FOXP2: variants seen among roughly 807,000 people sequenced by gnomAD.
The protein encoded by FOXP2 is forkhead box P2.
A neutral mutation model predicts 115.8 loss-of-function variants in FOXP2; 12 were observed. That is an observed-to-expected ratio of 0.10 (90% CI 0.07 to 0.17). FOXP2 has a LOEUF of 0.17. Among genes scored for constraint, FOXP2 ranks in the 10% least tolerant of loss-of-function variants. FOXP2 has a pLI of 1.00. For missense variants in FOXP2, 629 were observed against 843.5 expected (o/e 0.75, Z 3.15); for synonymous variants, 328 against 297.7 (o/e 1.10, Z -1.05).
chr7:114,113,000 G>A (rs971718803), intron 1 of FOXP2, among the ~76,000 whole-genome samples: 12 of 152,100 alleles, frequency 7.9e-5, no homozygotes, highest in Admixed American at 1.3e-4. Flanking sequence ...AGTGTATTGC[G>A]CAATTTTAGG....
At chr7:114,217,231 G>T (rs952331789) in intron 1 of FOXP2, among the ~76,000 whole-genome samples, 3 of 152,110 alleles carry the variant, frequency 2.0e-5, no homozygotes, top group Admixed American at 2.0e-4. Context: ...CTCTGTAGGG[G>T]GCCTTGAAGA....
intron 2 of FOXP2, among the ~76,000 whole-genome samples, chr7:114,311,026 A>C (rs1366113791): frequency 6.6e-6 from 1 of 151,894 alleles, no homozygotes; most frequent in Admixed American, 6.6e-5. Flanking sequence ...GCTTGAGTCC[A>C]CTCGACCAAT....
At chr7:114,172,460 T>C (rs1028604664) in intron 1 of FOXP2, among the ~76,000 whole-genome samples, 1 of 152,152 alleles carries the variant, frequency 6.6e-6, no homozygotes, top group Non-Finnish European at 1.5e-5. Context: ...TCAAAATCCA[T>C]AGGCCTGTAC....
At chr7:114,260,288 T>G (rs575948952) in intron 1 of FOXP2, among the ~76,000 whole-genome samples, 2 of 151,966 alleles carry the variant, frequency 1.3e-5, no homozygotes, top group African/African-American at 2.4e-5. Flanking sequence ...ATTTCTACAT[T>G]CCCTTGAATC....
chr7:114,581,461 C>CT (rs1367882324), intron 3 of FOXP2, among the ~76,000 whole-genome samples: 1 of 152,022 alleles, frequency 6.6e-6, no homozygotes, highest in East Asian at 1.9e-4. Flanking sequence ...ATAATTAACA[C>CT]TTTTTTGTGT....
intron 2 of FOXP2, among the ~76,000 whole-genome samples, chr7:114,494,048 G>T (rs1377870077): frequency 1.3e-5 from 2 of 152,032 alleles, no homozygotes; most frequent in African/African-American, 4.8e-5. Flanking sequence ...CTGAATACCA[G>T]AGGATTATTT....
In FOXP2 at chr7:114,455,501, A is replaced by T. The variant is rs147630340; in HGVS notation, c.168+28822A>T. 1.5e-3 allele frequency among the ~76,000 whole-genome samples: 234 copies of T among 152,330 alleles called. 2 individuals carry two copies. Among genetic ancestry groups the T allele is most frequent in the African/African-American group, 5.2e-3 (216 of 41,574 alleles). ...CCAGTAAAAAATAGAGTTTTCCAGC[A>T]GAAGAAAGTAAATCATCTCATGGAA... On this transcript the variant is annotated intron_variant, in intron 2 of 16. Transcript: ENST00000350908.
intron 6 of FOXP2, among the ~76,000 whole-genome samples, chr7:114,636,647 A>T (rs1365402108): frequency 6.6e-6 from 1 of 151,386 alleles, no homozygotes; most frequent in Non-Finnish European, 1.5e-5. Context: ...TTTGAGTGTA[A>T]AAAAGCTGCC....
intron 2 of FOXP2, among the ~76,000 whole-genome samples, chr7:114,379,321 C>T (rs761763357): frequency 3.9e-5 from 6 of 152,108 alleles, no homozygotes; most frequent in South Asian, 2.1e-4. Flanking sequence ...AGCTAAGTTG[C>T]GAGCACCATG....
chr7:114,579,465 A>G (rs1258047781), intron 3 of FOXP2, among the ~76,000 whole-genome samples: 1 of 152,102 alleles, frequency 6.6e-6, no homozygotes, highest in Admixed American at 6.6e-5. Context: ...ATTAGCACAT[A>G]CAGTTTTGTT....
At chr7:114,170,806 A>G (rs1213660795) in intron 1 of FOXP2, among the ~76,000 whole-genome samples, 1 of 152,262 alleles carries the variant, frequency 6.6e-6, no homozygotes, top group African/African-American at 2.4e-5. Context: ...GTTAAAGGAA[A>G]TAAGCCAACT....
At chr7:114,357,361 GTATTGA>G (rs1157565150) in intron 2 of FOXP2, among the ~76,000 whole-genome samples, 8 of 152,270 alleles carry the variant, frequency 5.3e-5, no homozygotes, top group Admixed American at 2.6e-4. Flanking sequence ...TAATGGAGAC[GTATTGA>G]TTCAGCCATA....
intron 2 of FOXP2, among the ~76,000 whole-genome samples, chr7:114,464,572 C>T (rs992832346): frequency 6.6e-6 from 1 of 152,048 alleles, no homozygotes. Context: ...ACATCCAAGC[C>T]CAAAGAGTAC....
chr7:114,284,620 A>G (rs1796421179), intron 1 of FOXP2, among the ~76,000 whole-genome samples: 1 of 152,150 alleles, frequency 6.6e-6, no homozygotes, highest in Non-Finnish European at 1.5e-5. Flanking sequence ...GGAAGTGTAA[A>G]TTAGTTCAAC....
chr7:114,279,064 G>A (rs1796264105), intron 1 of FOXP2, among the ~76,000 whole-genome samples: 1 of 152,130 alleles, frequency 6.6e-6, no homozygotes, highest in Non-Finnish European at 1.5e-5. Context: ...TCAAGAAAAT[G>A]GAAGTGTTGA....
intron 2 of FOXP2, among the ~76,000 whole-genome samples, chr7:114,451,179 G>T (rs1795057958): frequency 6.6e-6 from 1 of 151,996 alleles, no homozygotes; most frequent in Admixed American, 6.6e-5. Flanking sequence ...GCATTTTAAT[G>T]CTTGTTCTTT....
At chr7:114,606,715 A>C (rs1241143185) in intron 3 of FOXP2, among the ~76,000 whole-genome samples, 1 of 152,150 alleles carries the variant, frequency 6.6e-6, no homozygotes, top group Non-Finnish European at 1.5e-5. Flanking sequence ...CATTCTTACA[A>C]ATAAAGCCAT....
chr7:114,185,642 A>G (rs1343858073), intron 1 of FOXP2, among the ~76,000 whole-genome samples: 3 of 152,146 alleles, frequency 2.0e-5, no homozygotes, highest in African/African-American at 7.2e-5. Flanking sequence ...CCACTTTTTA[A>G]AAGTCATCCA....
intron 3 of FOXP2, among the ~76,000 whole-genome samples, chr7:114,622,863 C>T (rs993846772): frequency 6.6e-6 from 1 of 151,818 alleles, no homozygotes. Flanking sequence ...AGCACAGTTA[C>T]AGAAAAGTAG....
Sources: gnomAD v4.1 joint callset for allele counts (sites outside exome capture counted in the v4.1 genomes callset) on GRCh38, gnomAD v4.1.1 for gene constraint, MANE v1.5 for transcripts, NCBI Gene and HGNC (gene_info 2026-07-23, HGNC 2026-07-21) for gene names.